Variants in SNTG1 observed in about 807,000 individuals in gnomAD.
The protein encoded by SNTG1 is gamma-1-syntrophin.
Under a neutral mutation model 74.7 loss-of-function variants are expected in SNTG1, and 39 were observed. The ratio of observed to expected loss-of-function variants is 0.52; its 90% CI spans 0.40 to 0.68. The LOEUF (loss-of-function observed/expected upper bound fraction) is 0.68. SNTG1 is among the 30% of genes least tolerant of loss of function. SNTG1 has a pLI of 0.00. For synonymous variants in SNTG1, 254 were observed against 217.1 expected (o/e 1.17, Z -1.49); for missense variants, 685 against 609.5 (o/e 1.12, Z -1.30).
chr8:50,385,658 G>A (rs1197168209), intron 2 of SNTG1, among the ~76,000 whole-genome samples: 3 of 152,164 alleles, frequency 2.0e-5, no homozygotes, highest in Non-Finnish European at 4.4e-5. Context: ...ACATCTCTGA[G>A]GTAGGACAGT....
At chr8:50,656,354 A>G (rs751840748) in intron 13 of SNTG1, among the ~76,000 whole-genome samples, 1 of 152,216 alleles carries the variant, frequency 6.6e-6, no homozygotes, top group Non-Finnish European at 1.5e-5. Flanking sequence ...GCCATTTGAT[A>G]TATGAATACA....
At chr8:50,309,877 C>T (rs541222576) in intron 2 of SNTG1, among the ~76,000 whole-genome samples, 2 of 152,284 alleles carry the variant, frequency 1.3e-5, no homozygotes, top group East Asian at 3.9e-4. Context: ...TCCGCAAACT[C>T]CATTGGTCAG....
intron 15 of SNTG1, among the ~76,000 whole-genome samples, chr8:50,680,432 C>G (rs970341094): frequency 7.2e-5 from 11 of 152,070 alleles, no homozygotes; most frequent in African/African-American, 2.4e-4. Context: ...TTGGTCGATA[C>G]CAATTATGTG....
chr8:49,910,401 G>A (rs1364596812), upstream of SNTG1, among the ~76,000 whole-genome samples: 1 of 151,028 alleles, frequency 6.6e-6, no homozygotes, highest in East Asian at 2.0e-4. Context: ...GCACAAGTTA[G>A]GAGTCTGCAA....
At chr8:50,767,668 A>G (rs528740658) in intron 18 of SNTG1, among the ~76,000 whole-genome samples, 63 of 152,048 alleles carry the variant, frequency 4.1e-4, no homozygotes, top group African/African-American at 1.4e-3. Flanking sequence ...AGTTGTTTCT[A>G]TATATAATAT....
intron 17 of SNTG1, among the ~76,000 whole-genome samples, chr8:50,740,246 A>G (rs2095539763): frequency 1.3e-5 from 2 of 151,910 alleles, no homozygotes; most frequent in Admixed American, 1.3e-4. Flanking sequence ...AATATCCAGC[A>G]TCTACAAGGA....
chr8:50,232,778 C>A (rs2085694905), intron 2 of SNTG1, among the ~76,000 whole-genome samples: 1 of 151,482 alleles, frequency 6.6e-6, no homozygotes, highest in African/African-American at 2.4e-5. Context: ...CTTTGTATTT[C>A]TATATACTAG....
chr8:50,755,634 C>A (rs1459909861), intron 18 of SNTG1, among the ~76,000 whole-genome samples: 1 of 151,788 alleles, frequency 6.6e-6, no homozygotes, highest in Non-Finnish European at 1.5e-5. Context: ...AGTGTGATTG[C>A]TAGATCATAT....
intron 3 of SNTG1, among the ~76,000 whole-genome samples, chr8:50,394,795 G>A (rs2092706093): frequency 6.6e-6 from 1 of 151,566 alleles, no homozygotes; most frequent in Admixed American, 6.6e-5. Flanking sequence ...ATAGTGCATG[G>A]ATGTGGGCCC....
chr8:50,157,856 A>G (rs545256418), intron 1 of SNTG1, among the ~76,000 whole-genome samples: 1 of 152,306 alleles, frequency 6.6e-6, no homozygotes, highest in East Asian at 1.9e-4. Flanking sequence ...ATGTTATAAA[A>G]GTAGTTACCA....
chr8:50,714,790 C>T (rs1372629828), intron 17 of SNTG1, among the ~76,000 whole-genome samples: 2 of 151,978 alleles, frequency 1.3e-5, no homozygotes, highest in African/African-American at 2.4e-5. Flanking sequence ...GGCTCAACCA[C>T]AATCTAATTT....
chr8:49,923,551 T>C (rs1241155810), intron 1 of SNTG1, among the ~76,000 whole-genome samples: 2 of 152,152 alleles, frequency 1.3e-5, no homozygotes, highest in Non-Finnish European at 2.9e-5. Flanking sequence ...ACTCAGCCTT[T>C]TCACGTTTAT....
chr8:50,244,620 C>T (rs2086309565), intron 2 of SNTG1, among the ~76,000 whole-genome samples: 1 of 152,106 alleles, frequency 6.6e-6, no homozygotes, highest in Non-Finnish European at 1.5e-5. Context: ...CTTTAAATTT[C>T]AATATAAAAT....
At chr8:50,067,855 C>T (rs750490228) in intron 1 of SNTG1, among the ~76,000 whole-genome samples, 4 of 152,150 alleles carry the variant, frequency 2.6e-5, no homozygotes, top group Non-Finnish European at 5.9e-5. Flanking sequence ...GGGCACACAG[C>T]CTGCTGGGGC....
chr8:49,966,786 C>A (rs1425328131), intron 1 of SNTG1, among the ~76,000 whole-genome samples: 2 of 152,050 alleles, frequency 1.3e-5, no homozygotes, highest in Non-Finnish European at 2.9e-5. Flanking sequence ...GAATTTGTAA[C>A]CAAGAATGGG....
intron 8 of SNTG1, among the ~76,000 whole-genome samples, chr8:50,497,559 T>C (rs2093915312): frequency 6.6e-6 from 1 of 152,036 alleles, no homozygotes; most frequent in Admixed American, 6.6e-5. Flanking sequence ...AAATTCATTC[T>C]AAGCCAAAAA....
chr8:50,269,722 T>A (rs948352311), intron 2 of SNTG1, among the ~76,000 whole-genome samples: 1 of 152,072 alleles, frequency 6.6e-6, no homozygotes, highest in African/African-American at 2.4e-5. Flanking sequence ...AAAAGATAAT[T>A]TGAAATAGAA....
At chr8:50,043,415 G>T (rs1043605514) in intron 1 of SNTG1, among the ~76,000 whole-genome samples, 1 of 152,138 alleles carries the variant, frequency 6.6e-6, no homozygotes, top group Admixed American at 6.5e-5. Context: ...GGAACAAGAT[G>T]AAAATTTTAA....
At chr8:50,760,564 G>C (rs1343056184) in intron 18 of SNTG1, among the ~76,000 whole-genome samples, 2 of 151,690 alleles carry the variant, frequency 1.3e-5, no homozygotes, top group African/African-American at 2.4e-5. Context: ...GTTGAATTTT[G>C]TTCAAAGGCC....
Sources: allele counts gnomAD v4.1 joint callset (sites outside exome capture counted in the v4.1 genomes callset), GRCh38; gene constraint gnomAD v4.1.1; transcripts MANE v1.5; gene names NCBI Gene and HGNC (gene_info 2026-07-23, HGNC 2026-07-21).